Variants in SLC35D4 observed in about 807,000 individuals in gnomAD.
SLC35D4 encodes the protein solute carrier family 35 member D4, also known as UDP-N-acetylglucosamine transporter SLC35D4.
the SLC35D4 span, among the ~76,000 whole-genome samples, chr18:23,345,133 T>C: frequency 6.6e-6 from 1 of 152,150 alleles, no homozygotes; most frequent in African/African-American, 2.4e-5. Flanking sequence ...TCTAAGATTG[T>C]TTATTTGTAG....
the SLC35D4 span, among the ~76,000 whole-genome samples, chr18:23,437,439 T>A: frequency 6.6e-6 from 1 of 151,878 alleles, no homozygotes; most frequent in African/African-American, 2.4e-5. Context: ...GTGTCAGATT[T>A]CTTCTGACTC....
At chr18:23,257,123 TCTC>T in the SLC35D4 span, 1 of 1,313,670 alleles carries the variant, frequency 7.6e-7, no homozygotes, top group Non-Finnish European at 1.1e-6. Flanking sequence ...AAAGTGGATT[TCTC>T]CTGAGCACTC....
the SLC35D4 span, among the ~76,000 whole-genome samples, chr18:23,391,424 T>G: frequency 6.6e-6 from 1 of 152,134 alleles, no homozygotes; most frequent in South Asian, 2.1e-4. Context: ...TTTTGAGTGT[T>G]ATAAGGACAT....
At chr18:23,328,532 C>A in the SLC35D4 span, among the ~76,000 whole-genome samples, 2 of 152,138 alleles carry the variant, frequency 1.3e-5, no homozygotes, top group Non-Finnish European at 2.9e-5. Context: ...GAACTACATA[C>A]CACTGCTCAA....
chr18:23,265,235 G>A, the SLC35D4 span, among the ~76,000 whole-genome samples: 1 of 152,170 alleles, frequency 6.6e-6, no homozygotes, highest in Non-Finnish European at 1.5e-5. Flanking sequence ...AGAGCAGGAG[G>A]AGAACGGGAA....
chr18:23,276,394 G>C, the SLC35D4 span, among the ~76,000 whole-genome samples: 2 of 151,894 alleles, frequency 1.3e-5, no homozygotes, highest in Non-Finnish European at 2.9e-5. Context: ...AGCCAGAAAA[G>C]GGCACATTTT....
At chr18:23,284,604 A>AACCCAACTGCC in the SLC35D4 span, among the ~76,000 whole-genome samples, 3 of 152,220 alleles carry the variant, frequency 2.0e-5, no homozygotes, top group African/African-American at 7.2e-5. Context: ...ACCAAACTGT[A>AACCCAACTGCC]ACCCAACTGC....
the SLC35D4 span, among the ~76,000 whole-genome samples, chr18:23,243,539 A>G: frequency 3.4e-5 from 5 of 148,632 alleles, no homozygotes; most frequent in Admixed American, 6.7e-5. Flanking sequence ...ACACCATACA[A>G]TTCACCTCTT....
the SLC35D4 span, among the ~76,000 whole-genome samples, chr18:23,265,489 G>T: frequency 1.3e-5 from 2 of 150,562 alleles, no homozygotes; most frequent in East Asian, 3.9e-4. Flanking sequence ...CTGGAAACAA[G>T]CAGTAGGAAT....
At chr18:23,321,339 CT>C in the SLC35D4 span, among the ~76,000 whole-genome samples, 2 of 152,252 alleles carry the variant, frequency 1.3e-5, no homozygotes, top group Admixed American at 1.3e-4. Context: ...GTAGGTTTCC[CT>C]TTTTTTATAC....
chr18:23,391,933 TTTC>T, the SLC35D4 span, among the ~76,000 whole-genome samples: 662 of 152,096 alleles, frequency 4.4e-3, 3 homozygotes, highest in African/African-American at 0.015. Context: ...GATTTCTTTC[TTTC>T]TTCTTCTTTT....
the SLC35D4 span, chr18:23,385,101 T>C: frequency 6.3e-7 from 1 of 1,587,274 alleles, no homozygotes; most frequent in Non-Finnish European, 8.6e-7. Context: ...CATGAAAATA[T>C]TTTCTTCGAT....
At chr18:23,284,758 C>T in the SLC35D4 span, among the ~76,000 whole-genome samples, 60 of 152,334 alleles carry the variant, frequency 3.9e-4, no homozygotes, top group Middle Eastern at 3.4e-3. Flanking sequence ...CCCGTCCCTA[C>T]ACTCAATCAT....
chr18:23,253,616 G>A, the SLC35D4 span: 5 of 885,510 alleles, frequency 5.6e-6, no homozygotes, highest in Admixed American at 9.3e-5. Context: ...TCCCAGTCCA[G>A]ATCACCCTCT....
At chr18:23,380,816 G>T in the SLC35D4 span, among the ~76,000 whole-genome samples, 1 of 152,098 alleles carries the variant, frequency 6.6e-6, no homozygotes. Context: ...GAGTGTGTGT[G>T]TGTGTGCATG....
the SLC35D4 span, among the ~76,000 whole-genome samples, chr18:23,422,042 C>T: frequency 6.6e-6 from 1 of 152,090 alleles, no homozygotes; most frequent in Non-Finnish European, 1.5e-5. Flanking sequence ...CTCCCACTGC[C>T]TCTACATTGA....
the SLC35D4 span, chr18:23,430,588 A>C: frequency 9.4e-6 from 14 of 1,495,354 alleles, no homozygotes; most frequent in East Asian, 1.8e-4. Context: ...TGGTGGTTGG[A>C]CATTTCCTAA....
chr18:23,253,582 G>A, the SLC35D4 span: 13 of 665,832 alleles, frequency 2.0e-5, no homozygotes, highest in Non-Finnish European at 3.1e-5. Context: ...GCATAACGCA[G>A]CCTTCACACT....
the SLC35D4 span, among the ~76,000 whole-genome samples, chr18:23,273,327 C>T: frequency 9.9e-5 from 15 of 152,030 alleles, 1 homozygote; most frequent in Admixed American, 7.2e-4. Flanking sequence ...GAAGGAGAAG[C>T]GTAAATGTGG....
Sources: gnomAD v4.1 joint callset for allele counts (sites outside exome capture counted in the v4.1 genomes callset) on GRCh38, gnomAD v4.1.1 for gene constraint, MANE v1.5 for transcripts, NCBI Gene and HGNC (gene_info 2026-07-23, HGNC 2026-07-21) for gene names.